Variants in CTCF observed in about 807,000 individuals in gnomAD.
The protein encoded by CTCF is CCCTC-binding factor.
A neutral mutation model predicts 72.3 loss-of-function variants in CTCF; 7 were observed. The ratio of observed to expected loss-of-function variants is 0.10; its 90% CI spans 0.06 to 0.18. The LOEUF (loss-of-function observed/expected upper bound fraction) is 0.18, where lower values mean the gene tolerates loss of function less well. CTCF is among the 10% of genes least tolerant of loss of function. The pLI, the probability that CTCF is intolerant of heterozygous loss-of-function variation, is 1.00. For missense variants in CTCF, 516 were observed against 949.1 expected (o/e 0.54, Z 6.00); for synonymous variants, 374 against 315.8 (o/e 1.18, Z -1.95).
chr16:67,609,837 G>T (rs575130034), intron 2 of CTCF, among the ~76,000 whole-genome samples: 2 of 151,922 alleles, frequency 1.3e-5, no homozygotes, highest in Non-Finnish European at 2.9e-5. Context: ...TGTTAGCCAG[G>T]ATGGTCTCGA....
At chr16:67,606,748 T>C (rs1361619346) in intron 2 of CTCF, among the ~76,000 whole-genome samples, 5 of 150,716 alleles carry the variant, frequency 3.3e-5, no homozygotes, top group African/African-American at 1.2e-4. Flanking sequence ...TTCAATGTTT[T>C]GTTTTGGGTT....
chr16:67,591,807 C>A (rs2051747757), intron 2 of CTCF, among the ~76,000 whole-genome samples: 1 of 151,912 alleles, frequency 6.6e-6, no homozygotes, highest in South Asian at 2.1e-4. Context: ...GCAGCCTGGG[C>A]TCAGGCGATC....
At chr16:67,564,345 AG>A (rs749188878) in intron 1 of CTCF, among the ~76,000 whole-genome samples, 6 of 152,218 alleles carry the variant, frequency 3.9e-5, no homozygotes, top group Non-Finnish European at 5.9e-5. Flanking sequence ...TTAGGAAGGA[AG>A]CTATGTTAAG....
In CTCF at chr16:67,612,005, C is replaced by T; in HGVS notation, c.836C>T (p.Ser279Leu). ...TGCAGTTACACGTGTCCACGGCGTT[C>T]AAATTTGGATCGTCACATGAAAAGC... ...ELCSYTCPRRSNLDRHMKSHT... is the reference protein window; with the variant it reads ...ELCSYTCPRRLNLDRHMKSHT... Residue 279 changes from serine to leucine, a missense_variant, in exon 4 of 12, where the codon TCA becomes TTA. This residue lies in a region of CTCF where 70 missense variants were observed against 290.1 expected (regional missense o/e 0.24). Coordinates refer to ENST00000264010, the MANE Select transcript of CTCF (RefSeq NM_006565.4). The T allele has an allele frequency of 6.2e-7, 1 of 1,614,146 alleles. No homozygotes were observed. Among genetic ancestry groups the T allele is most frequent in the Non-Finnish European group, 8.5e-7 (1 of 1,180,012 alleles).
At chr16:67,568,205 G>A (rs1270758942) in intron 1 of CTCF, 1 of 151,798 alleles carries the variant, frequency 6.6e-6, no homozygotes, top group Non-Finnish European at 1.5e-5. Context: ...TCAGCCTCGG[G>A]AGTAGTTGGG....
intron 10 of CTCF, 67 bp downstream of exon 10, chr16:67,629,600 T>C (rs2052335478): frequency 6.5e-7 from 1 of 1,543,248 alleles, no homozygotes; most frequent in Non-Finnish European, 8.8e-7. Flanking sequence ...AGTGTGTTTA[T>C]GTATGGATAT....
intron 2 of CTCF, 106 bp from the exon 3 acceptor site, chr16:67,610,718 A>G (rs1220550131): frequency 1.3e-6 from 1 of 772,746 alleles, no homozygotes; most frequent in Non-Finnish European, 1.9e-6. Flanking sequence ...ATTAACAACC[A>G]TTGATGCCTA....
At chr16:67,586,165 C>T (rs1007117369) in intron 2 of CTCF, among the ~76,000 whole-genome samples, 1 of 152,150 alleles carries the variant, frequency 6.6e-6, no homozygotes, top group Non-Finnish European at 1.5e-5. Context: ...CTTTGGGAGG[C>T]CAAGGCAGGT....
At chr16:67,564,111 G>A (rs937199879) in intron 1 of CTCF, among the ~76,000 whole-genome samples, 1 of 152,190 alleles carries the variant, frequency 6.6e-6, no homozygotes, top group East Asian at 1.9e-4. Flanking sequence ...AACTAGGAAA[G>A]TTAAAAACCA....
At chr16:67,598,933 G>T (rs1317385504) in intron 2 of CTCF, among the ~76,000 whole-genome samples, 1 of 152,226 alleles carries the variant, frequency 6.6e-6, no homozygotes, top group African/African-American at 2.4e-5. Flanking sequence ...AAACCAAACT[G>T]GTGAGTGGAA....
At chr16:67,570,512 G>C (rs2051401884) in intron 1 of CTCF, among the ~76,000 whole-genome samples, 2 of 151,434 alleles carry the variant, frequency 1.3e-5, no homozygotes, top group South Asian at 4.2e-4. Context: ...GCCGTGGTGC[G>C]ATCTCGGCTC....
chr16:67,586,947 C>G (rs1472064957), intron 2 of CTCF, among the ~76,000 whole-genome samples: 2 of 152,066 alleles, frequency 1.3e-5, no homozygotes, highest in Admixed American at 6.6e-5. Flanking sequence ...GCCCGCACCA[C>G]CATGCCTGAC....
At chr16:67,622,319 G>A (rs767242323) in intron 7 of CTCF, among the ~76,000 whole-genome samples, 4 of 151,100 alleles carry the variant, frequency 2.6e-5, no homozygotes, top group African/African-American at 7.3e-5. Flanking sequence ...TCACGCCACC[G>A]CACTCCAGCC....
intron 2 of CTCF, among the ~76,000 whole-genome samples, chr16:67,595,864 C>G (rs2051806166): frequency 6.6e-6 from 1 of 152,144 alleles, no homozygotes; most frequent in Non-Finnish European, 1.5e-5. Context: ...GTCTACGATT[C>G]ACACCACCAA....
intron 3 of CTCF, 110 bp from the exon 4 acceptor site, chr16:67,611,841 T>G: frequency 1.9e-6 from 2 of 1,048,846 alleles, no homozygotes; most frequent in Non-Finnish European, 2.9e-6. Flanking sequence ...TGACTTATAT[T>G]GGGTTTTGTT....
At chr16:67,586,796 G>T (rs975351545) in intron 2 of CTCF, among the ~76,000 whole-genome samples, 2 of 151,838 alleles carry the variant, frequency 1.3e-5, no homozygotes, top group African/African-American at 2.4e-5. Flanking sequence ...TTTTGTTGTT[G>T]TTTTGGGTTT....
At chr16:67,593,513 G>A (rs1215909397) in intron 2 of CTCF, among the ~76,000 whole-genome samples, 2 of 152,062 alleles carry the variant, frequency 1.3e-5, no homozygotes, top group African/African-American at 4.8e-5. Flanking sequence ...TGCTGTAAAG[G>A]ACATTATTTC....
intron 2 of CTCF, among the ~76,000 whole-genome samples, chr16:67,592,540 T>C (rs962809980): frequency 2.6e-5 from 4 of 151,964 alleles, no homozygotes; most frequent in African/African-American, 4.8e-5. Context: ...ACCCTGTCTC[T>C]ACTAAAAATA....
chr16:67,585,276 C>T (rs1376517718), intron 2 of CTCF, among the ~76,000 whole-genome samples: 2 of 152,196 alleles, frequency 1.3e-5, no homozygotes, highest in Admixed American at 6.5e-5. Context: ...TCTCAAACTC[C>T]TGACCTCATG....
Sources: allele counts gnomAD v4.1 joint callset (sites outside exome capture counted in the v4.1 genomes callset), GRCh38; gene constraint gnomAD v4.1.1; regional missense constraint gnomAD v4.1.1; transcripts MANE v1.5; gene names NCBI Gene and HGNC (gene_info 2026-07-23, HGNC 2026-07-21).